The following ROBO1 variants were observed in gnomAD, a reference collection of about 807,000 sequenced individuals.
ROBO1 encodes the protein roundabout guidance receptor 1.
A neutral mutation model predicts 195.9 loss-of-function variants in ROBO1; 149 were observed. The ratio of observed to expected loss-of-function variants is 0.76; its 90% confidence interval spans 0.67 to 0.87. The LOEUF is 0.87. ROBO1 is among the 40% of genes least tolerant of loss of function. The pLI is 0.00. For synonymous variants in ROBO1, 816 were observed against 733.2 expected (o/e 1.11, Z -1.82); for missense variants, 1,933 against 2,068.3 (o/e 0.93, Z 1.27).
chr3:79,206,610 TA>T (rs1333037853), intron 2 of ROBO1, among the ~76,000 whole-genome samples: 1 of 152,170 alleles, frequency 6.6e-6, no homozygotes, highest in African/African-American at 2.4e-5. Context: ...GATCATTGTA[TA>T]TTCATTCAGA....
intron 3 of ROBO1, among the ~76,000 whole-genome samples, chr3:79,052,087 G>T (rs1431573843): frequency 6.6e-6 from 1 of 152,102 alleles, no homozygotes. Context: ...ACTGCTTGTG[G>T]GGCCGGGCAG....
At chr3:79,429,016 G>A (rs2038566245) in intron 2 of ROBO1, among the ~76,000 whole-genome samples, 1 of 152,114 alleles carries the variant, frequency 6.6e-6, no homozygotes, top group Admixed American at 6.6e-5. Flanking sequence ...GAAATATTAC[G>A]TGTCTTAATT....
At chr3:79,566,219 A>C (rs1277573434) in intron 2 of ROBO1, among the ~76,000 whole-genome samples, 5 of 152,180 alleles carry the variant, frequency 3.3e-5, no homozygotes, top group African/African-American at 1.2e-4. Flanking sequence ...TAATAACATT[A>C]GTTCTTTTAA....
In ROBO1 at chr3:78,677,819, C is replaced by A. The variant is rs905816286; in HGVS notation, c.1343-7518G>T. Among the ~76,000 whole-genome samples the A allele has an allele frequency of 4.2e-4, 64 of 152,142 alleles. 1 individual carries two copies. The highest frequency in any genetic ancestry group is 1.5e-3 in the African/African-American group (63 of 41,508). On this transcript the variant is annotated intron_variant, in intron 10 of 30. Coordinates refer to ENST00000464233, the MANE Select transcript of ROBO1 (RefSeq NM_002941.4). ...GAATTGAACTCAGCTCTGCACCAAG[C>A]GGACCTAATAGACATCTACAGAACT...
At chr3:79,265,446 A>G (rs1565345) in intron 2 of ROBO1, among the ~76,000 whole-genome samples, 41,030 of 151,444 alleles carry the variant, frequency 0.27, 6,585 homozygotes, top group African/African-American at 0.45. Context: ...ATTATACAAT[A>G]TGAATAATGC....
At chr3:78,628,633 A>C (rs1704977339) in intron 25 of ROBO1, among the ~76,000 whole-genome samples, 1 of 152,214 alleles carries the variant, frequency 6.6e-6, no homozygotes, top group South Asian at 2.1e-4. Context: ...ACCTGAACTC[A>C]GGAAAGTTGA....
intron 2 of ROBO1, among the ~76,000 whole-genome samples, chr3:79,572,000 A>G (rs1943294118): frequency 6.6e-6 from 1 of 152,164 alleles, no homozygotes; most frequent in Non-Finnish European, 1.5e-5. Context: ...ATGGAAGTCA[A>G]ACTGTAAAAT....
intron 3 of ROBO1, among the ~76,000 whole-genome samples, chr3:78,959,468 G>A (rs895009203): frequency 7.9e-5 from 12 of 151,968 alleles, no homozygotes; most frequent in African/African-American, 2.7e-4. Context: ...TTGTTACATG[G>A]CAGAGACCCG....
intron 5 of ROBO1, among the ~76,000 whole-genome samples, chr3:78,721,245 A>G (rs997954057): frequency 1.3e-5 from 2 of 152,238 alleles, no homozygotes; most frequent in Non-Finnish European, 2.9e-5. Flanking sequence ...TTTGAGTATC[A>G]TCTTATCAAA....
intron 4 of ROBO1, among the ~76,000 whole-genome samples, chr3:78,914,014 T>C (rs2038409417): frequency 6.6e-6 from 1 of 152,142 alleles, no homozygotes; most frequent in South Asian, 2.1e-4. Context: ...AGGGTGTGAT[T>C]TTCATCTTAT....
At chr3:79,376,491 T>C (rs910933110) in intron 2 of ROBO1, among the ~76,000 whole-genome samples, 1 of 152,208 alleles carries the variant, frequency 6.6e-6, no homozygotes, top group African/African-American at 2.4e-5. Context: ...TTCCCATGTG[T>C]TGTGGGAGGG....
intron 2 of ROBO1, among the ~76,000 whole-genome samples, chr3:79,252,092 T>C (rs1239669217): frequency 6.6e-6 from 1 of 152,108 alleles, no homozygotes; most frequent in Non-Finnish European, 1.5e-5. Flanking sequence ...TCACAATATA[T>C]ACTTGGATGA....
At chr3:78,638,437 A>G (rs1705695061) in intron 22 of ROBO1, among the ~76,000 whole-genome samples, 1 of 151,662 alleles carries the variant, frequency 6.6e-6, no homozygotes, top group African/African-American at 2.4e-5. Context: ...TTTTTTTGTT[A>G]TTACTGTTGT....
At chr3:78,855,150 G>A (rs1008976406) in intron 4 of ROBO1, among the ~76,000 whole-genome samples, 1 of 151,776 alleles carries the variant, frequency 6.6e-6, no homozygotes, top group Admixed American at 6.6e-5. Context: ...AGGACCATAA[G>A]CCTGAAGCCA....
intron 3 of ROBO1, among the ~76,000 whole-genome samples, chr3:79,011,741 A>C (rs2077784147): frequency 6.6e-6 from 1 of 151,310 alleles, no homozygotes; most frequent in African/African-American, 2.4e-5. Context: ...AATTATGACC[A>C]TACCTAACAT....
chr3:79,011,200 T>C (rs1203966516), intron 3 of ROBO1, among the ~76,000 whole-genome samples: 2 of 152,168 alleles, frequency 1.3e-5, no homozygotes, highest in South Asian at 2.1e-4. Flanking sequence ...ACAATTTTAG[T>C]GAAGTTTCAG....
At chr3:79,392,889 A>G (rs2037007454) in intron 2 of ROBO1, among the ~76,000 whole-genome samples, 1 of 152,244 alleles carries the variant, frequency 6.6e-6, no homozygotes, top group Non-Finnish European at 1.5e-5. Context: ...AGATTTCAAG[A>G]AATTAAATGA....
At chr3:78,818,128 C>T (rs920747558) in intron 4 of ROBO1, among the ~76,000 whole-genome samples, 3 of 152,190 alleles carry the variant, frequency 2.0e-5, no homozygotes, top group Non-Finnish European at 4.4e-5. Context: ...CCTCTCCTCC[C>T]TCAATCTTTT....
intron 2 of ROBO1, among the ~76,000 whole-genome samples, chr3:79,419,640 C>T (rs750121239): frequency 2.0e-5 from 3 of 152,066 alleles, no homozygotes; most frequent in Non-Finnish European, 2.9e-5. Flanking sequence ...CCTCTGATGA[C>T]AGGAATTGAT....
Sources: gnomAD v4.1 joint callset for allele counts (sites outside exome capture counted in the v4.1 genomes callset) on GRCh38, gnomAD v4.1.1 for gene constraint, MANE v1.5 for transcripts, NCBI Gene and HGNC (gene_info 2026-07-23, HGNC 2026-07-21) for gene names.